The following SLC43A2 variants were observed in gnomAD, a reference collection of about 807,000 sequenced individuals.
SLC43A2 encodes solute carrier family 43 member 2.
Under a neutral mutation model 63.2 loss-of-function variants are expected in SLC43A2, and 38 were observed. That is an observed-to-expected ratio of 0.60 (90% confidence interval 0.46 to 0.79). The LOEUF is 0.79. Ranked by LOEUF, SLC43A2 falls within the 30% of genes least tolerant of loss-of-function variation. The pLI, the probability that SLC43A2 is intolerant of heterozygous loss-of-function variation, is 0.00. For synonymous variants in SLC43A2, 322 were observed against 331.0 expected (o/e 0.97, Z 0.30); for missense variants, 644 against 756.2 (o/e 0.85, Z 1.74).
Position 1,590,967 on chromosome 17 carries a change from G to A in SLC43A2, c.932-19C>T, listed in dbSNP as rs1355455670. Reference sequence around the variant, plus strand: ...GGGGCCACTGCAGGGAGAGGGTGCGGGGCTCAGGGCCGGGGCACACTGTCC... The same window carrying A: ...GGGGCCACTGCAGGGAGAGGGTGCGAGGCTCAGGGCCGGGGCACACTGTCC... On this transcript the variant is annotated intron_variant, in intron 8 of 13. Coordinates refer to ENST00000301335, the MANE Select transcript of SLC43A2 (RefSeq NM_152346.3). The A allele has an allele frequency of 4.5e-6, 7 of 1,548,380 alleles. No homozygotes were observed. Among genetic ancestry groups the A allele is most frequent in the Non-Finnish European group, 6.1e-6 (7 of 1,146,636 alleles).
chr17:1,610,831 C>A (rs1008867781), intron 5 of SLC43A2, among the ~76,000 whole-genome samples: 37 of 150,838 alleles, frequency 2.5e-4, no homozygotes, highest in African/African-American at 9.0e-4. Flanking sequence ...CTTTTAAAGT[C>A]TTTCTTTTTT....
At chr17:1,603,347 C>T (rs1013317681) in intron 5 of SLC43A2, 1 of 152,176 alleles carries the variant, frequency 6.6e-6, no homozygotes, top group African/African-American at 2.4e-5. Context: ...TGACTGCTGT[C>T]AGGATGTTTA....
chr17:1,585,576 TG>T (rs1567615440), intron 10 of SLC43A2: 3 of 906,722 alleles, frequency 3.3e-6, no homozygotes, highest in African/African-American at 3.5e-5. Flanking sequence ...AGACGGGGAG[TG>T]GGGGCTGGCC....
At chr17:1,604,992 G>A in intron 5 of SLC43A2, 1 of 1,442,154 alleles carries the variant, frequency 6.9e-7, no homozygotes, top group Non-Finnish European at 9.1e-7. Context: ...CTCGAGGGCT[G>A]GCGGAGGGGA....
chr17:1,624,548 AC>A (rs1908481970), intron 2 of SLC43A2, among the ~76,000 whole-genome samples: 1 of 152,158 alleles, frequency 6.6e-6, no homozygotes, highest in African/African-American at 2.4e-5. Flanking sequence ...ACTAAAAAAT[AC>A]AAAAATTAGC....
At chr17:1,601,065 G>GGTGT (rs1555541413) in intron 5 of SLC43A2, among the ~76,000 whole-genome samples, 16 of 57,536 alleles carry the variant, frequency 2.8e-4, no homozygotes, top group Admixed American at 1.8e-3. Context: ...CCAGTTTGGT[G>GGTGT]GTGTTTGTTT....
chr17:1,627,664 C>T, intron 2 of SLC43A2, 51 bp downstream of exon 2: 2 of 985,964 alleles, frequency 2.0e-6, no homozygotes, highest in South Asian at 2.2e-5. Flanking sequence ...CCCGCCCCCT[C>T]CCAAAGCCCC....
intron 11 of SLC43A2, among the ~76,000 whole-genome samples, chr17:1,581,954 G>A (rs951078612): frequency 2.0e-5 from 3 of 151,388 alleles, no homozygotes; most frequent in Admixed American, 1.3e-4. Context: ...TTACAGGCAT[G>A]TGCCACCACG....
chr17:1,585,974 C>G lies in SLC43A2; in HGVS notation c.1156G>C (p.Asp386His). The G allele has an allele frequency of 6.2e-7, 1 of 1,613,372 alleles. No individual in the cohort carries two copies. Among genetic ancestry groups the G allele is most frequent in the Non-Finnish European group, 8.5e-7 (1 of 1,179,930 alleles). The stretch of plus-strand genomic sequence containing the variant: ...TCTTCACACTCCTTCAGCCTCCAGT[C>G]CATGATGTAGCCAATGACGGGGGCC... ...LTAPVIGYIMDWRLKECEDAS... is the reference protein window; with the variant it reads ...LTAPVIGYIMHWRLKECEDAS... The change falls in exon 10 of 14, where the codon GAC becomes CAC. Residue 386 changes from aspartate (D) to histidine (H), a missense_variant. Physicochemically the swap from Asp to His is moderately conservative, Grantham distance 81. Transcript: ENST00000301335.
intron 3 of SLC43A2, among the ~76,000 whole-genome samples, chr17:1,615,650 T>C (rs946710926): frequency 1.6e-3 from 247 of 149,842 alleles, no homozygotes; most frequent in Middle Eastern, 3.4e-3. Flanking sequence ...GAGACCATCC[T>C]GGCTAACACA....
In SLC43A2 at chr17:1,591,713, C is replaced by A. The variant is rs753548149; in HGVS notation, c.595-14G>T. On this transcript the variant is annotated splice_polypyrimidine_tract_variant and intron_variant, in intron 6 of 13. Coordinates refer to ENST00000301335, the MANE Select transcript of SLC43A2 (RefSeq NM_152346.3). ...ATCATAGATGAGCTGACAGGCACCG[C>A]GGGGACGGGGTGGGGGGGGGAGGGG... is the stretch of plus-strand genomic sequence containing the variant. 1 of 154,114 alleles carries A rather than the reference C, an allele frequency of 6.5e-6. No individual in the cohort carries two copies. Among genetic ancestry groups the A allele is most frequent in the Non-Finnish European group, 1.1e-5 (1 of 92,424 alleles). 9.5% of individuals were successfully genotyped at this position (154,114 alleles called of 1,614,324 possible). A position where few individuals can be genotyped will look rare whatever the true frequency, so the allele number is the denominator to read the frequency against.
intron 9 of SLC43A2, chr17:1,586,927 A>ATCCCCCCCCCCCCCCCCCCCCCCC: frequency 7.4e-7 from 1 of 1,355,946 alleles, no homozygotes; most frequent in Non-Finnish European, 1.0e-6. Context: ...TTCCCTGACA[A>ATCCCCCCCCCCCCCCCCCCCCCCC]TCCCCCCCAC....
intron 8 of SLC43A2, 145 bp downstream of exon 8, chr17:1,591,124 T>A: frequency 7.8e-7 from 1 of 1,274,144 alleles, no homozygotes; most frequent in Non-Finnish European, 1.1e-6. Context: ...GCAAATCCCT[T>A]TCCCTCCCCC....
At chr17:1,597,210 T>C (rs1905374431) in intron 5 of SLC43A2, among the ~76,000 whole-genome samples, 1 of 113,274 alleles carries the variant, frequency 8.8e-6, no homozygotes, top group Non-Finnish European at 1.8e-5. Context: ...AAGACTACGT[T>C]TTAAAAAAAA....
intron 3 of SLC43A2, among the ~76,000 whole-genome samples, chr17:1,615,349 A>G (rs1907497904): frequency 2.0e-5 from 3 of 151,510 alleles, no homozygotes; most frequent in Non-Finnish European, 2.9e-5. Flanking sequence ...GCCTCAGGTG[A>G]CCCACCCAAC....
chr17:1,609,422 G>A (rs7503031), intron 5 of SLC43A2, among the ~76,000 whole-genome samples: 71,424 of 151,912 alleles, frequency 0.47, 19,763 homozygotes, highest in Non-Finnish European at 0.63. Context: ...GGCTGGTCTC[G>A]AACTCCTGAC....
intron 2 of SLC43A2, 83 bp from the exon 3 acceptor site, chr17:1,616,852 G>C: frequency 1.3e-6 from 2 of 1,489,416 alleles, no homozygotes; most frequent in Non-Finnish European, 1.8e-6. Context: ...CCCATTCAGA[G>C]TCCCCCCACT....
chr17:1,627,149 C>T (rs1315824468), intron 2 of SLC43A2, among the ~76,000 whole-genome samples: 1 of 152,124 alleles, frequency 6.6e-6, no homozygotes, highest in Non-Finnish European at 1.5e-5. Context: ...CCTCAGAGCC[C>T]GTGGGGGAAA....
rs1304091263 is a variant in SLC43A2, at chr17:1,598,061, G to A, written c.502-4782C>T. Among the ~76,000 whole-genome samples, 3 of 152,204 alleles carry A rather than the reference G, an allele frequency of 2.0e-5. No homozygotes were observed. The East Asian group carries it at 5.8e-4, about 29-fold the overall frequency. ...TACCCCAGTGAGAATGCAAATATTTGTTCTGCTTATGCGGAAGGAGGGAAG... is the reference window on the plus strand; with the variant it reads ...TACCCCAGTGAGAATGCAAATATTTATTCTGCTTATGCGGAAGGAGGGAAG... On this transcript the variant is annotated intron_variant, in intron 5 of 13. Coordinates refer to ENST00000301335, the MANE Select transcript of SLC43A2 (RefSeq NM_152346.3).
Sources: allele counts gnomAD v4.1 joint callset (sites outside exome capture counted in the v4.1 genomes callset), GRCh38; gene constraint gnomAD v4.1.1; transcripts MANE v1.5; gene names NCBI Gene and HGNC (gene_info 2026-07-23, HGNC 2026-07-21).